The following CTNNA3 variants were observed in gnomAD, a reference collection of about 807,000 sequenced individuals.
The protein encoded by CTNNA3 is catenin alpha 3, also known as catenin alpha-3.
In CTNNA3, 76 loss-of-function variants were observed where a neutral mutation model predicts 95.7. That is an observed-to-expected ratio of 0.79 (90% CI 0.66 to 0.96). The LOEUF is 0.96. Among genes scored for constraint, CTNNA3 ranks in the 40% least tolerant of loss-of-function variants. The pLI, the probability that CTNNA3 is intolerant of heterozygous loss-of-function variation, is 0.00. For synonymous variants in CTNNA3, 431 were observed against 374.4 expected (o/e 1.15, Z -1.74); for missense variants, 1,191 against 1,089.8 (o/e 1.09, Z -1.31).
At chr10:67,568,052 G>A (rs1397181584) in intron 3 of CTNNA3, among the ~76,000 whole-genome samples, 1 of 152,112 alleles carries the variant, frequency 6.6e-6, no homozygotes, top group Non-Finnish European at 1.5e-5. Flanking sequence ...CAGGGTAGTG[G>A]ATGTAGCCAG....
chr10:67,559,052 G>T (rs1362477242), intron 3 of CTNNA3, among the ~76,000 whole-genome samples: 1 of 152,178 alleles, frequency 6.6e-6, no homozygotes, highest in Non-Finnish European at 1.5e-5. Flanking sequence ...CTCCACCTCT[G>T]GGGGCAGGGC....
intron 13 of CTNNA3, among the ~76,000 whole-genome samples, chr10:66,203,569 G>T (rs1055762556): frequency 2.0e-5 from 3 of 151,740 alleles, no homozygotes; most frequent in Admixed American, 6.6e-5. Flanking sequence ...TTATAACATA[G>T]GCTTAACCTC....
intron 17 of CTNNA3, among the ~76,000 whole-genome samples, chr10:65,963,967 A>C (rs142295901): frequency 6.6e-6 from 1 of 152,186 alleles, no homozygotes; most frequent in Non-Finnish European, 1.5e-5. Context: ...CATTCCGTTC[A>C]CACCTACTTA....
At chr10:67,702,692 C>T (rs534884025) in intron 1 of CTNNA3, among the ~76,000 whole-genome samples, 222 of 152,274 alleles carry the variant, frequency 1.5e-3, no homozygotes, top group African/African-American at 5.2e-3. Context: ...TCAAAATTGA[C>T]AACCTAACAT....
intron 7 of CTNNA3, among the ~76,000 whole-genome samples, chr10:67,112,032 G>T (rs981274819): frequency 6.6e-6 from 1 of 152,106 alleles, no homozygotes; most frequent in African/African-American, 2.4e-5. Context: ...TGTCAGAAAT[G>T]AGGCATGAAA....
chr10:66,572,669 C>T (rs1043229950), intron 10 of CTNNA3, among the ~76,000 whole-genome samples: 21 of 152,004 alleles, frequency 1.4e-4, no homozygotes, highest in African/African-American at 5.1e-4. Flanking sequence ...GAAAACTTCA[C>T]AGATTGGAGG....
At chr10:66,184,156 G>T (rs2086199539) in intron 13 of CTNNA3, among the ~76,000 whole-genome samples, 1 of 151,996 alleles carries the variant, frequency 6.6e-6, no homozygotes, top group African/African-American at 2.4e-5. Flanking sequence ...AAAATTAGCT[G>T]GGCGCGGGGG....
At chr10:66,696,741 T>C (rs1847779370) in intron 9 of CTNNA3, among the ~76,000 whole-genome samples, 1 of 150,980 alleles carries the variant, frequency 6.6e-6, no homozygotes, top group African/African-American at 2.4e-5. Flanking sequence ...AAGATCAGCC[T>C]GGGCAATAAA....
At chr10:67,315,936 T>C (rs1841031040) in intron 5 of CTNNA3, among the ~76,000 whole-genome samples, 1 of 152,126 alleles carries the variant, frequency 6.6e-6, no homozygotes, top group South Asian at 2.1e-4. Flanking sequence ...ATCACTACAT[T>C]AGAATAGAAA....
At chr10:66,582,785 A>G (rs1480560926) in intron 10 of CTNNA3, among the ~76,000 whole-genome samples, 1 of 151,704 alleles carries the variant, frequency 6.6e-6, no homozygotes, top group African/African-American at 2.4e-5. Context: ...TGGAATATAC[A>G]GCTTTAATTA....
chr10:66,928,728 T>C (rs1387224445), intron 7 of CTNNA3, among the ~76,000 whole-genome samples: 3 of 152,260 alleles, frequency 2.0e-5, no homozygotes, highest in African/African-American at 7.2e-5. Context: ...GACCCTTTAC[T>C]GATTCCATTA....
chr10:66,246,724 GTC>G (rs1458594106), intron 13 of CTNNA3, among the ~76,000 whole-genome samples: 2 of 151,650 alleles, frequency 1.3e-5, no homozygotes, highest in Non-Finnish European at 2.9e-5. Flanking sequence ...ATGCATCATA[GTC>G]TCCTAATAGC....
chr10:67,252,615 C>T (rs185275276), intron 5 of CTNNA3, among the ~76,000 whole-genome samples: 5 of 152,092 alleles, frequency 3.3e-5, no homozygotes, highest in Non-Finnish European at 4.4e-5. Context: ...TGAGTTTATA[C>T]GATGCCCACA....
At chr10:66,231,014 C>A (rs72797255) in intron 13 of CTNNA3, among the ~76,000 whole-genome samples, 1 of 152,048 alleles carries the variant, frequency 6.6e-6, no homozygotes, top group Non-Finnish European at 1.5e-5. Context: ...GGTGGTGGCT[C>A]TTCTCTAAAA....
chr10:66,321,160 A>G (rs1052771732), intron 12 of CTNNA3, among the ~76,000 whole-genome samples: 1 of 152,084 alleles, frequency 6.6e-6, no homozygotes, highest in African/African-American at 2.4e-5. Flanking sequence ...CAACTGATCA[A>G]TGATTTTTAA....
intron 7 of CTNNA3, among the ~76,000 whole-genome samples, chr10:66,951,083 T>C (rs1371189892): frequency 8.2e-6 from 1 of 122,404 alleles, no homozygotes; most frequent in African/African-American, 3.5e-5. Flanking sequence ...TTCTTTAACA[T>C]TAAATACACA....
intron 7 of CTNNA3, among the ~76,000 whole-genome samples, chr10:67,142,833 G>T (rs866086645): frequency 8.5e-5 from 13 of 152,156 alleles, no homozygotes; most frequent in African/African-American, 2.9e-4. Context: ...TTGGGAGGCT[G>T]AGGCAGGGGA....
intron 12 of CTNNA3, among the ~76,000 whole-genome samples, chr10:66,329,640 C>A (rs372556735): frequency 6.6e-6 from 1 of 151,066 alleles, no homozygotes; most frequent in Middle Eastern, 3.2e-3. Flanking sequence ...AAAGAATGAA[C>A]GAACAGTTGA....
chr10:66,067,840 C>A (rs1272836027), intron 15 of CTNNA3, among the ~76,000 whole-genome samples: 1 of 152,080 alleles, frequency 6.6e-6, no homozygotes, highest in Non-Finnish European at 1.5e-5. Context: ...CGTTTGAACC[C>A]CAAAGGCAGA....
Sources: gnomAD v4.1 joint callset for allele counts (sites outside exome capture counted in the v4.1 genomes callset) on GRCh38, gnomAD v4.1.1 for gene constraint, MANE v1.5 for transcripts, NCBI Gene and HGNC (gene_info 2026-07-23, HGNC 2026-07-21) for gene names.